The following SLC26A8 variants were observed in gnomAD, a reference collection of about 807,000 sequenced individuals.
SLC26A8 encodes solute carrier family 26 member 8.
SLC26A8 carries 70 observed loss-of-function variants against 105.0 expected under a neutral mutation model. The ratio of observed to expected loss-of-function variants is 0.67; its 90% CI spans 0.55 to 0.81. The LOEUF (loss-of-function observed/expected upper bound fraction) is 0.81. Ranked by LOEUF, SLC26A8 falls within the 40% of genes least tolerant of loss-of-function variation. SLC26A8 has a pLI of 0.00. For synonymous variants in SLC26A8, 415 were observed against 438.3 expected (o/e 0.95, Z 0.66); for missense variants, 998 against 1,181.8 (o/e 0.84, Z 2.28).
chr6:35,993,887 G>A (rs1029723272), intron 5 of SLC26A8, among the ~76,000 whole-genome samples: 4 of 151,972 alleles, frequency 2.6e-5, no homozygotes, highest in African/African-American at 9.7e-5. Flanking sequence ...AAAACAAAAA[G>A]AGGGTAGGTT....
chr6:35,972,657 G>A (rs534461839), intron 10 of SLC26A8, among the ~76,000 whole-genome samples: 31 of 152,314 alleles, frequency 2.0e-4, no homozygotes, highest in Admixed American at 1.7e-3. Context: ...GTGGAGGGCC[G>A]CTGCACTGCA....
chr6:35,993,658 G>A (rs1168515434), intron 5 of SLC26A8, among the ~76,000 whole-genome samples: 9 of 152,068 alleles, frequency 5.9e-5, no homozygotes, highest in Non-Finnish European at 1.3e-4. Context: ...TGGGGAATGG[G>A]GTTAGATGTT....
At chr6:35,949,962 C>G (rs548904756) in intron 19 of SLC26A8, among the ~76,000 whole-genome samples, 2 of 151,884 alleles carry the variant, frequency 1.3e-5, no homozygotes, top group African/African-American at 4.8e-5. Flanking sequence ...CGTGCCACCA[C>G]GCCCGGCTAA....
At chr6:35,975,556 C>G in intron 9 of SLC26A8, 68 bp from the exon 10 acceptor site, 1 of 845,768 alleles carries the variant, frequency 1.2e-6, no homozygotes. Flanking sequence ...GAGTTGAAGG[C>G]ATATGGTTTT....
chr6:35,993,488 A>G (rs1761250042), intron 5 of SLC26A8, among the ~76,000 whole-genome samples: 1 of 152,134 alleles, frequency 6.6e-6, no homozygotes, highest in African/African-American at 2.4e-5. Context: ...AATTGAATTT[A>G]TTTATGTTTT....
intron 17 of SLC26A8, 111 bp from the exon 18 acceptor site, chr6:35,951,610 C>T: frequency 9.3e-7 from 1 of 1,078,988 alleles, no homozygotes; most frequent in Non-Finnish European, 1.4e-6. Flanking sequence ...GACAGAGTCT[C>T]ACTCTGTCAC....
intron 19 of SLC26A8, 115 bp downstream of exon 19, chr6:35,951,048 A>G: frequency 9.7e-7 from 1 of 1,031,232 alleles, no homozygotes; most frequent in East Asian, 2.5e-5. Flanking sequence ...TTTCCTGGAC[A>G]TTATTCCTCT....
chr6:35,951,391 G>T, intron 18 of SLC26A8, 44 bp from the exon 19 acceptor site: 1 of 1,614,058 alleles, frequency 6.2e-7, no homozygotes, highest in Non-Finnish European at 8.5e-7. Flanking sequence ...GATACTTGGG[G>T]AGCAGAGGAC....
At chr6:35,947,925 T>C (rs1472299947) in intron 19 of SLC26A8, among the ~76,000 whole-genome samples, 1 of 152,108 alleles carries the variant, frequency 6.6e-6, no homozygotes, top group East Asian at 1.9e-4. Context: ...AGTGAGACCC[T>C]GTCTCAAAAA....
chr6:35,975,327 G>A, intron 10 of SLC26A8, 48 bp downstream of exon 10: 3 of 1,039,944 alleles, frequency 2.9e-6, no homozygotes, highest in Non-Finnish European at 4.4e-6. Flanking sequence ...CATATGAATT[G>A]ATATGAATAT....
At chr6:35,963,981 A>G (rs1318817727) in intron 11 of SLC26A8, among the ~76,000 whole-genome samples, 1 of 152,150 alleles carries the variant, frequency 6.6e-6, no homozygotes, top group Non-Finnish European at 1.5e-5. Context: ...AAGGTGAGGC[A>G]GGAGGATCAC....
chr6:35,999,384 T>TTC (rs1328057053), intron 4 of SLC26A8, among the ~76,000 whole-genome samples: 4 of 152,108 alleles, frequency 2.6e-5, no homozygotes, highest in Non-Finnish European at 5.9e-5. Flanking sequence ...CCTTCTAAAC[T>TTC]TATGGGGGAA....
intron 17 of SLC26A8, 143 bp from the exon 18 acceptor site, chr6:35,951,642 G>T: frequency 1.2e-6 from 1 of 824,348 alleles, no homozygotes; most frequent in Non-Finnish European, 2.0e-6. Context: ...GCAGTGGCAT[G>T]ATCTCGGCTC....
At chr6:35,970,871 C>CA (rs1162475646) in intron 10 of SLC26A8, among the ~76,000 whole-genome samples, 1 of 151,848 alleles carries the variant, frequency 6.6e-6, no homozygotes, top group Non-Finnish European at 1.5e-5. Flanking sequence ...ACTAAAAATA[C>CA]AAAAAAATTA....
chr6:35,997,582 G>A (rs930871579), intron 5 of SLC26A8, among the ~76,000 whole-genome samples, 156 bp downstream of exon 5: 5 of 152,160 alleles, frequency 3.3e-5, no homozygotes, highest in Non-Finnish European at 7.4e-5. Context: ...TGTCACTAAG[G>A]AGACACGCTA....
In SLC26A8 at chr6:35,944,164, C is replaced by T. The variant is rs1771582274; in HGVS notation, c.2649G>A (p.Glu883=). The T allele has an allele frequency of 7.4e-6, 12 of 1,614,146 alleles. No homozygotes were observed. Among genetic ancestry groups the T allele is most frequent in the Non-Finnish European group, 1.0e-5 (12 of 1,180,022 alleles). ...TCTCAGCCTTGGGCTCCATTTCAGGCTCCAGCTCCCGATCCAGGTCTAGGT... is the reference window on the plus strand; with the variant it reads ...TCTCAGCCTTGGGCTCCATTTCAGGTTCCAGCTCCCGATCCAGGTCTAGGT... ...GLDLDLDREL[E]PEMEPKAETE... The change falls in exon 20 of 20, where the codon GAG becomes GAA. Residue 883 remains glutamate (E), a synonymous_variant. Transcript: ENST00000490799.
chr6:36,013,319 C>T (rs1761912783), intron 2 of SLC26A8, among the ~76,000 whole-genome samples: 1 of 151,990 alleles, frequency 6.6e-6, no homozygotes, highest in Non-Finnish European at 1.5e-5. Flanking sequence ...GCCTCAGCCT[C>T]CTGAGTAGCT....
At chr6:35,994,111 C>CTTTTTTTTTTTTTTTTTTTTT (rs759838239) in intron 5 of SLC26A8, among the ~76,000 whole-genome samples, 1 of 118,512 alleles carries the variant, frequency 8.4e-6, no homozygotes, top group Non-Finnish European at 1.8e-5. Context: ...CTTTTTTTTT[C>CTTTTTTTTTTTTTTTTTTTTT]TTTTCTTTTT....
chr6:35,988,347 C>T (rs1773613859), intron 7 of SLC26A8, among the ~76,000 whole-genome samples: 1 of 152,072 alleles, frequency 6.6e-6, no homozygotes, highest in South Asian at 2.1e-4. Context: ...AGAAAAGAAA[C>T]AAGAGGCCAG....
Sources: gnomAD v4.1 joint callset for allele counts (sites outside exome capture counted in the v4.1 genomes callset) on GRCh38, gnomAD v4.1.1 for gene constraint, MANE v1.5 for transcripts, NCBI Gene and HGNC (gene_info 2026-07-23, HGNC 2026-07-21) for gene names.